The following SMIM43 variants were observed in gnomAD, a reference collection of about 807,000 sequenced individuals.
SMIM43 encodes the protein Nodal Enhanced MEsendoderm Peptide.
chr4:121,760,904 A>G (rs1726024438), intron 5 of SMIM43, among the ~76,000 whole-genome samples: 1 of 152,032 alleles, frequency 6.6e-6, no homozygotes. Flanking sequence ...GGAAAAAAAC[A>G]AGGTTTTTTT....
upstream of SMIM43, chr4:121,765,427 C>T: frequency 4.6e-6 from 1 of 219,692 alleles, no homozygotes; most frequent in Non-Finnish European, 8.8e-6. Flanking sequence ...GAGGTAACAG[C>T]TCAGTCTTCC....
chr4:121,764,679 G>A (rs1560611450), intron 1 of SMIM43, 138 bp downstream of exon 1: 1 of 382,330 alleles, frequency 2.6e-6, no homozygotes, highest in Non-Finnish European at 4.6e-6. Flanking sequence ...GAAGAGCACA[G>A]CGCCAGCCCA....
chr4:121,765,195 A>G (rs1000471416), upstream of SMIM43: 1 of 386,590 alleles, frequency 2.6e-6, no homozygotes, highest in Non-Finnish European at 4.6e-6. Flanking sequence ...CACCTCCCGC[A>G]CTCCCGCCCC....
In SMIM43 at chr4:121,764,812, C is replaced by G. The variant is rs1726265010; in HGVS notation, c.*97+5G>C. 1 of 395,746 alleles carries G rather than the reference C, an allele frequency of 2.5e-6. No homozygotes were observed. The allele number at this position is 395,746 out of a possible 1,614,324, so 24.5% of individuals were successfully genotyped here. On this transcript the variant is annotated splice_donor_5th_base_variant and intron_variant, in intron 1 of 5. Coordinates refer to ENST00000643802, the MANE Select transcript of SMIM43 (RefSeq NM_001384332.1). ...CGGACCCGTCAGAGCCGCCGAGCCC[C>G]GCACCTGGAAGCTGGGAGGCCGCGA...
chr4:121,763,295 A>T (rs1215478511), intron 2 of SMIM43, among the ~76,000 whole-genome samples: 1 of 152,186 alleles, frequency 6.6e-6, no homozygotes, highest in Non-Finnish European at 1.5e-5. Context: ...TATATTATCA[A>T]CTTAGGCAAA....
At chr4:121,762,623 C>T (rs984066388) in intron 3 of SMIM43, 104 bp downstream of exon 3, 1 of 152,084 alleles carries the variant, frequency 6.6e-6, no homozygotes, top group African/African-American at 2.4e-5. Context: ...AATAAAATGG[C>T]CCTGGATACA....
intron 3 of SMIM43, among the ~76,000 whole-genome samples, chr4:121,762,261 A>G (rs1419802475): frequency 6.6e-6 from 1 of 152,198 alleles, no homozygotes; most frequent in Non-Finnish European, 1.5e-5. Context: ...GTGTCAGAGT[A>G]TTTGATCTAA....
In SMIM43 at chr4:121,760,550, C is replaced by T; in HGVS notation, c.*500-76G>A. ...CACCCGTGAGCTGCTGAACCAGCACCAGCAGCTGCCTGCCTCTAACCTCCT... is the reference window on the plus strand; with the variant it reads ...CACCCGTGAGCTGCTGAACCAGCACTAGCAGCTGCCTGCCTCTAACCTCCT... On this transcript the variant is annotated intron_variant, in intron 5 of 5. Coordinates refer to ENST00000643802, the MANE Select transcript of SMIM43 (RefSeq NM_001384332.1). The T allele has an allele frequency of 4.9e-6, 7 of 1,442,736 alleles. No individual in the cohort carries two copies. In the South Asian group the frequency reaches 9.2e-5, roughly 19 times the overall value. 89.4% of individuals were successfully genotyped at this position (1,442,736 alleles called of 1,614,324 possible). A position where few individuals can be genotyped will look rare whatever the true frequency, so the allele number is the denominator to read the frequency against.
At position 121,764,809 on chromosome 4, in the gene SMIM43, C is replaced by T; in HGVS notation, c.*97+8G>A. 2.5e-6 allele frequency: 1 copy of T among 395,702 alleles called. No individual in the cohort carries two copies. Among genetic ancestry groups the T allele is most frequent in the Non-Finnish European group, 4.5e-6 (1 of 224,632 alleles). 24.5% of individuals were successfully genotyped at this position (395,702 alleles called of 1,614,324 possible). A position where few individuals can be genotyped will look rare whatever the true frequency, so the allele number is the denominator to read the frequency against. ...GAACGGACCCGTCAGAGCCGCCGAG[C>T]CCCGCACCTGGAAGCTGGGAGGCCG... On this transcript the variant is annotated splice_region_variant and intron_variant, in intron 1 of 5. Transcript: ENST00000643802.
intron 4 of SMIM43, 25 bp from the exon 5 acceptor site, chr4:121,761,720 A>G (rs1726077988): frequency 6.2e-7 from 1 of 1,611,148 alleles, no homozygotes; most frequent in Non-Finnish European, 8.5e-7. Context: ...CAGACATAGG[A>G]ATCTACTTTA....
rs967544841 is a variant in SMIM43 at position 121,760,186 on chromosome 4, T to A, written c.*788A>T. Reference sequence around the variant, plus strand: ...GCAACTGTATTCTGTAGCCAGGGCATAAAATGTTAGTTGTCCTCCCAAGAT... The same window carrying A: ...GCAACTGTATTCTGTAGCCAGGGCAAAAAATGTTAGTTGTCCTCCCAAGAT... On this transcript the variant is annotated 3_prime_UTR_variant, in exon 6 of 6. Transcript: ENST00000643802. 1.3e-6 allele frequency: 2 copies of A among 1,490,746 alleles called. No individual in the cohort carries two copies. The highest frequency in any genetic ancestry group is 1.4e-5 in the South Asian group (1 of 72,080). 92.3% of individuals were successfully genotyped at this position (1,490,746 alleles called of 1,614,324 possible). A position where few individuals can be genotyped will look rare whatever the true frequency, so the allele number is the denominator to read the frequency against.
intron 5 of SMIM43, among the ~76,000 whole-genome samples, chr4:121,761,024 C>G (rs1188153244): frequency 6.6e-6 from 1 of 151,842 alleles, no homozygotes; most frequent in Non-Finnish European, 1.5e-5. Flanking sequence ...GCTCATGACT[C>G]AGATACTTAA....
At chr4:121,765,189 T>G, upstream of SMIM43, 1 of 386,774 alleles carries the variant, frequency 2.6e-6, no homozygotes. Flanking sequence ...CACACCCACC[T>G]CCCGCACTCC....
chr4:121,765,381 C>G, upstream of SMIM43: 1 of 269,040 alleles, frequency 3.7e-6, no homozygotes, highest in East Asian at 6.7e-5. Flanking sequence ...GAGCGACTTC[C>G]CTAGGAGCGA....
chr4:121,764,691 A>T (rs1726253941), intron 1 of SMIM43, 126 bp downstream of exon 1: 1 of 386,450 alleles, frequency 2.6e-6, no homozygotes, highest in Admixed American at 4.5e-5. Context: ...GCCAGCCCAG[A>T]CCCCATACAC....
intron 1 of SMIM43, chr4:121,764,290 C>G (rs1375400014): frequency 6.6e-6 from 1 of 152,160 alleles, no homozygotes; most frequent in Non-Finnish European, 1.5e-5. Context: ...ATTCCTCCCT[C>G]CAAATGGACG....
Position 121,760,397 on chromosome 4 carries a change from A to T in SMIM43, c.*577T>A. On this transcript the variant is annotated 3_prime_UTR_variant, in exon 6 of 6. Coordinates refer to ENST00000643802, the MANE Select transcript of SMIM43 (RefSeq NM_001384332.1). ...GAGGAAGCTCTTTAAAAGGAAGTGG[A>T]TTTGAACTGGCATGCCCCGTTTTCT... 1.3e-6 allele frequency: 2 copies of T among 1,591,104 alleles called. No homozygotes were observed. The highest frequency in any genetic ancestry group is 1.7e-6 in the Non-Finnish European group (2 of 1,167,600).
At chr4:121,764,784 G>C in intron 1 of SMIM43, 33 bp downstream of exon 1, 1 of 395,270 alleles carries the variant, frequency 2.5e-6, no homozygotes, top group Non-Finnish European at 4.5e-6. Flanking sequence ...CCTCACGCCG[G>C]AACGGACCCG....
chr4:121,760,033 A>G lies in SMIM43; in HGVS notation c.*941T>C. 1 of 320,680 alleles carries G rather than the reference A, an allele frequency of 3.1e-6. No individual in the cohort carries two copies. The highest frequency in any genetic ancestry group is 5.5e-6 in the Non-Finnish European group (1 of 181,024). 19.9% of individuals were successfully genotyped at this position (320,680 alleles called of 1,614,324 possible). ...TGACTGAGAGAGGTCAGCCCTGTCA[A>G]GAGTTTTGTGAGAACACCTGACATG... On this transcript the variant is annotated 3_prime_UTR_variant, in exon 6 of 6. Coordinates refer to ENST00000643802, the MANE Select transcript of SMIM43 (RefSeq NM_001384332.1).
Sources: allele counts gnomAD v4.1 joint callset (sites outside exome capture counted in the v4.1 genomes callset), GRCh38; gene constraint gnomAD v4.1.1; transcripts MANE v1.5; gene names NCBI Gene and HGNC (gene_info 2026-07-23, HGNC 2026-07-21).